The following ARL15 variants were observed in gnomAD, a reference collection of about 807,000 sequenced individuals.
ARL15 encodes the protein ADP-ribosylation factor-like protein 15.
Under a neutral mutation model 25.2 loss-of-function variants are expected in ARL15, and 19 were observed. The observed-to-expected ratio is 0.75, with a 90% CI of 0.53 to 1.10. The LOEUF is 1.10. Ranked by LOEUF, ARL15 falls within the 50% of genes least tolerant of loss-of-function variation. The pLI, the probability that ARL15 is intolerant of heterozygous loss-of-function variation, is 0.00. For synonymous variants in ARL15, 94 were observed against 86.8 expected, an observed-to-expected ratio of 1.08 and a Z score of -0.46; for missense variants, 220 against 246.0, an observed-to-expected ratio of 0.89 and a Z score of 0.71.
chr5:54,293,979 C>T (rs1369828680), intron 1 of ARL15, among the ~76,000 whole-genome samples: 1 of 152,104 alleles, frequency 6.6e-6, no homozygotes, highest in Non-Finnish European at 1.5e-5. Flanking sequence ...GCACGTGCCA[C>T]CCACACCCAG....
At chr5:54,287,254 CATCAGTG>C (rs1758207021) in intron 1 of ARL15, among the ~76,000 whole-genome samples, 1 of 151,998 alleles carries the variant, frequency 6.6e-6, no homozygotes, top group Non-Finnish European at 1.5e-5. Context: ...CAAACCCTAG[CATCAGTG>C]ATCTTCCAGT....
At chr5:54,290,284 T>G (rs73757037) in intron 1 of ARL15, among the ~76,000 whole-genome samples, 2,582 of 151,986 alleles carry the variant, frequency 0.017, 83 homozygotes, top group African/African-American at 0.06. Flanking sequence ...TATATAAGAT[T>G]ATATCAACTA....
chr5:54,075,182 T>C (rs1180105263), intron 4 of ARL15, among the ~76,000 whole-genome samples: 8 of 151,436 alleles, frequency 5.3e-5, no homozygotes, highest in African/African-American at 1.9e-4. Context: ...ATAATTTAGA[T>C]GGTTAAATGA....
chr5:54,305,354 G>C (rs1758729157), intron 1 of ARL15, among the ~76,000 whole-genome samples: 1 of 152,170 alleles, frequency 6.6e-6, no homozygotes, highest in Non-Finnish European at 1.5e-5. Context: ...ACAAAAATTA[G>C]CTGGGCATGG....
intron 1 of ARL15, among the ~76,000 whole-genome samples, chr5:54,244,256 G>A (rs191816234): frequency 3.2e-4 from 49 of 152,282 alleles, no homozygotes; most frequent in African/African-American, 1.1e-3. Flanking sequence ...ATTAGTAAAT[G>A]AGTGTGTAAA....
At chr5:53,968,471 G>T (rs1342933190) in intron 4 of ARL15, among the ~76,000 whole-genome samples, 1 of 152,050 alleles carries the variant, frequency 6.6e-6, no homozygotes, top group Non-Finnish European at 1.5e-5. Context: ...AAACTGAGCA[G>T]CATAATTTCA....
chr5:53,923,160 G>A (rs1745909313), intron 4 of ARL15, among the ~76,000 whole-genome samples: 2 of 152,096 alleles, frequency 1.3e-5, no homozygotes, highest in South Asian at 2.1e-4. Flanking sequence ...TTCACGATTC[G>A]GGCTCTGGTC....
At chr5:54,124,110 T>C (rs1253913666) in intron 3 of ARL15, among the ~76,000 whole-genome samples, 2 of 152,212 alleles carry the variant, frequency 1.3e-5, no homozygotes, top group African/African-American at 2.4e-5. Flanking sequence ...AGTTAAAGAC[T>C]ATATTTGCCT....
intron 1 of ARL15, among the ~76,000 whole-genome samples, chr5:54,307,512 T>A (rs1238490989): frequency 2.0e-5 from 3 of 152,224 alleles, no homozygotes; most frequent in Admixed American, 2.0e-4. Flanking sequence ...AAACCCTGTC[T>A]TAAATATTAA....
chr5:54,281,470 G>A (rs1307519168), intron 1 of ARL15, among the ~76,000 whole-genome samples: 1 of 152,114 alleles, frequency 6.6e-6, no homozygotes, highest in Non-Finnish European at 1.5e-5. Flanking sequence ...CACTGCTTTA[G>A]AACAGTTTCT....
chr5:53,927,425 G>A (rs1023890325), intron 4 of ARL15, among the ~76,000 whole-genome samples: 3 of 152,134 alleles, frequency 2.0e-5, no homozygotes, highest in Non-Finnish European at 4.4e-5. Context: ...GCTCTCATTC[G>A]TAAGTGGTTA....
intron 1 of ARL15, among the ~76,000 whole-genome samples, chr5:54,240,260 A>ATT (rs11378048): frequency 0.024 from 3,418 of 142,172 alleles, 136 homozygotes; most frequent in Admixed American, 0.11. Flanking sequence ...ATCGCCAATA[A>ATT]TTTTTTTTTT....
At chr5:54,089,757 A>C (rs1020123171) in intron 4 of ARL15, among the ~76,000 whole-genome samples, 1 of 152,168 alleles carries the variant, frequency 6.6e-6, no homozygotes, top group Non-Finnish European at 1.5e-5. Context: ...GGATGAAAGA[A>C]ATTTTCATCT....
At chr5:54,029,378 T>C (rs56031285) in intron 4 of ARL15, among the ~76,000 whole-genome samples, 11,403 of 78,064 alleles carry the variant, frequency 0.15, 660 homozygotes, top group Non-Finnish European at 0.18. Flanking sequence ...CCACCACCAC[T>C]ACACCTAGAG....
intron 4 of ARL15, among the ~76,000 whole-genome samples, chr5:54,108,993 T>C (rs556873691): frequency 6.6e-6 from 1 of 152,138 alleles, no homozygotes; most frequent in Non-Finnish European, 1.5e-5. Context: ...ACCAGTAATG[T>C]TTATATCATT....
At chr5:53,955,479 T>G (rs952564814) in intron 4 of ARL15, among the ~76,000 whole-genome samples, 3 of 152,148 alleles carry the variant, frequency 2.0e-5, no homozygotes, top group Non-Finnish European at 4.4e-5. Context: ...CTTCTAAAAC[T>G]TACAATTTAA....
At chr5:53,982,810 A>G (rs577556692) in intron 4 of ARL15, among the ~76,000 whole-genome samples, 3 of 152,274 alleles carry the variant, frequency 2.0e-5, no homozygotes, top group South Asian at 4.2e-4. Context: ...CAACAGTGTA[A>G]AGGCATTCCT....
Position 54,068,576 on chromosome 5 carries a change from G to C in ARL15, c.462+44626C>G, listed in dbSNP as rs1344932267. 2.0e-5 allele frequency among the ~76,000 whole-genome samples: 3 copies of C among 152,166 alleles called. No individual in the cohort carries two copies. In the East Asian group the frequency reaches 5.8e-4, roughly 29 times the overall value. ...GAAAGAGATCCCAGTCCTGTAGAGT[G>C]ACCAACAGATAAAAGAGGTGAGATA... is the stretch of plus-strand genomic sequence containing the variant. On this transcript the variant is annotated intron_variant, in intron 4 of 4. Coordinates refer to ENST00000504924, the MANE Select transcript of ARL15 (RefSeq NM_019087.3).
At chr5:53,909,565 G>A in intron 4 of ARL15, among the ~76,000 whole-genome samples, 1 of 152,140 alleles carries the variant, frequency 6.6e-6, no homozygotes, top group East Asian at 1.9e-4. Context: ...AATTAGCTGG[G>A]CGTGGTGGCG....
Sources: gnomAD v4.1 joint callset for allele counts (sites outside exome capture counted in the v4.1 genomes callset) on GRCh38, gnomAD v4.1.1 for gene constraint, MANE v1.5 for transcripts, NCBI Gene and HGNC (gene_info 2026-07-23, HGNC 2026-07-21) for gene names.